The following PIBF1 variants were observed in gnomAD, a reference collection of about 807,000 sequenced individuals.
PIBF1 encodes the protein progesterone-induced-blocking factor 1.
Under a neutral mutation model 112.5 loss-of-function variants are expected in PIBF1, and 90 were observed. The observed-to-expected ratio is 0.80, with a 90% confidence interval of 0.67 to 0.95. The LOEUF (loss-of-function observed/expected upper bound fraction) is 0.95, where lower values mean the gene tolerates loss of function less well. PIBF1 is among the 40% of genes least tolerant of loss of function. The pLI is 0.00. For synonymous variants in PIBF1, 301 were observed against 288.6 expected (o/e 1.04, Z -0.44); for missense variants, 915 against 852.3 (o/e 1.07, Z -0.92).
At chr13:72,933,782 C>A (rs2041783064) in intron 14 of PIBF1, among the ~76,000 whole-genome samples, 1 of 152,150 alleles carries the variant, frequency 6.6e-6, no homozygotes, top group Non-Finnish European at 1.5e-5. Flanking sequence ...TGTATGAAAC[C>A]ATTTTTAAAT....
At chr13:72,944,228 C>A (rs1286018024) in intron 14 of PIBF1, among the ~76,000 whole-genome samples, 8 of 151,954 alleles carry the variant, frequency 5.3e-5, no homozygotes, top group Admixed American at 5.3e-4. Flanking sequence ...GGGGTGATCA[C>A]CTGAGGTCAG....
chr13:72,999,506 A>C (rs961979573), intron 17 of PIBF1, among the ~76,000 whole-genome samples: 2 of 152,198 alleles, frequency 1.3e-5, no homozygotes, highest in South Asian at 2.1e-4. Context: ...TTCATTTCTC[A>C]GGAGAAACAT....
At chr13:72,792,357 C>T in intron 2 of PIBF1, 90 bp from the exon 3 acceptor site, 1 of 801,278 alleles carries the variant, frequency 1.2e-6, no homozygotes, top group Non-Finnish European at 2.0e-6. Context: ...TAGCCTGTTT[C>T]TTTCAAGTGT....
At chr13:72,786,087 G>A (rs527604910) in intron 2 of PIBF1, among the ~76,000 whole-genome samples, 10 of 152,102 alleles carry the variant, frequency 6.6e-5, no homozygotes, top group South Asian at 4.1e-4. Context: ...TGGAATTATC[G>A]GGAGGATTAA....
At chr13:72,903,291 T>C (rs563354550) in intron 11 of PIBF1, among the ~76,000 whole-genome samples, 1 of 152,276 alleles carries the variant, frequency 6.6e-6, no homozygotes, top group East Asian at 1.9e-4. Flanking sequence ...AAGACCTTTT[T>C]AAAAATATGC....
intron 11 of PIBF1, among the ~76,000 whole-genome samples, chr13:72,899,656 TG>T (rs1455324782): frequency 6.6e-6 from 1 of 152,100 alleles, no homozygotes; most frequent in Non-Finnish European, 1.5e-5. Context: ...TAATACTGAA[TG>T]GGGAAAAATT....
chr13:72,811,551 G>A (rs777776173), intron 5 of PIBF1, among the ~76,000 whole-genome samples: 21 of 149,084 alleles, frequency 1.4e-4, no homozygotes, highest in Admixed American at 3.4e-4. Context: ...AGCGGAGATC[G>A]CGCCGTTGCT....
At chr13:72,827,232 A>C in intron 7 of PIBF1, 114 bp downstream of exon 7, 1 of 434,096 alleles carries the variant, frequency 2.3e-6, no homozygotes, top group Non-Finnish European at 4.0e-6. Context: ...CCTCCCAAAA[A>C]GATAAATTTT....
At chr13:72,912,848 T>C (rs2040937648) in intron 12 of PIBF1, among the ~76,000 whole-genome samples, 1 of 151,982 alleles carries the variant, frequency 6.6e-6, no homozygotes, top group Non-Finnish European at 1.5e-5. Flanking sequence ...TTATATAATA[T>C]AGTATGATTA....
intron 5 of PIBF1, among the ~76,000 whole-genome samples, chr13:72,811,972 A>G (rs893616999): frequency 5.9e-5 from 9 of 152,322 alleles, no homozygotes; most frequent in Middle Eastern, 3.4e-3. Flanking sequence ...AAAGAGTCAT[A>G]AGACTTTTTT....
At chr13:73,011,738 A>C (rs550845035) in intron 17 of PIBF1, among the ~76,000 whole-genome samples, 147 of 152,296 alleles carry the variant, frequency 9.7e-4, no homozygotes, top group African/African-American at 3.3e-3. Flanking sequence ...ACATTACCAA[A>C]GGCCCATTTA....
chr13:72,994,152 G>A (rs2043573109), intron 16 of PIBF1, among the ~76,000 whole-genome samples: 1 of 152,014 alleles, frequency 6.6e-6, no homozygotes, highest in South Asian at 2.1e-4. Context: ...GGAGGTAGAG[G>A]CCGGAGGCGG....
At chr13:72,933,482 T>C (rs1446591635) in intron 14 of PIBF1, among the ~76,000 whole-genome samples, 2 of 152,192 alleles carry the variant, frequency 1.3e-5, no homozygotes, top group Admixed American at 6.5e-5. Context: ...GCCAACATGG[T>C]GGAACCCTGT....
At position 72,795,354 on chromosome 13, in the gene PIBF1, T is replaced by C. The variant is rs140177511; in HGVS notation, c.354-5T>C. 23 of 1,545,234 alleles carry C rather than the reference T, an allele frequency of 1.5e-5. No individual in the cohort carries two copies. The African/African-American group carries it at 2.6e-4, about 18-fold the overall frequency. On this transcript the variant is annotated splice_polypyrimidine_tract_variant and splice_region_variant and intron_variant, in intron 3 of 17. Coordinates refer to ENST00000326291, the MANE Select transcript of PIBF1 (RefSeq NM_006346.4). ...AAGCCTGCCATAAATTCTCTTCTAA[T>C]GTAGCAAATATCAAGAATTAATGAA...
intron 4 of PIBF1, among the ~76,000 whole-genome samples, chr13:72,797,299 G>A (rs1017774394): frequency 1.3e-5 from 2 of 152,186 alleles, no homozygotes; most frequent in Admixed American, 6.5e-5. Flanking sequence ...GAAATACAGC[G>A]GTGTATAAAC....
intron 14 of PIBF1, among the ~76,000 whole-genome samples, chr13:72,957,300 G>C (rs1039143151): frequency 2.3e-4 from 35 of 152,056 alleles, no homozygotes; most frequent in African/African-American, 8.0e-4. Flanking sequence ...AAGAAAATGT[G>C]GTATGTATAT....
At chr13:72,962,638 C>T (rs1373683887) in intron 14 of PIBF1, among the ~76,000 whole-genome samples, 1 of 151,288 alleles carries the variant, frequency 6.6e-6, no homozygotes, top group Non-Finnish European at 1.5e-5. Context: ...ATAAATTAAC[C>T]AAATGGACAC....
intron 10 of PIBF1, among the ~76,000 whole-genome samples, chr13:72,860,919 G>C (rs1025649332): frequency 1.3e-5 from 2 of 152,024 alleles, no homozygotes; most frequent in Non-Finnish European, 2.9e-5. Flanking sequence ...TTATTATGTC[G>C]TATTCTGTTG....
At chr13:72,828,267 C>CTTTTTTT (rs780999187) in intron 8 of PIBF1, among the ~76,000 whole-genome samples, 5 of 123,670 alleles carry the variant, frequency 4.0e-5, no homozygotes, top group African/African-American at 6.2e-5. Flanking sequence ...GATATGTTTG[C>CTTTTTTT]TTTTTTTTTT....
Sources: allele counts gnomAD v4.1 joint callset (sites outside exome capture counted in the v4.1 genomes callset), GRCh38; gene constraint gnomAD v4.1.1; transcripts MANE v1.5; gene names NCBI Gene and HGNC (gene_info 2026-07-23, HGNC 2026-07-21).